Variants in ENTREP1 observed in about 807,000 individuals in gnomAD.
ENTREP1 encodes Friedreich ataxia region gene X123.
chr9:69,384,364 T>A, the ENTREP1 span, among the ~76,000 whole-genome samples: 2 of 152,168 alleles, frequency 1.3e-5, no homozygotes, highest in Non-Finnish European at 2.9e-5. Flanking sequence ...AAAAAAGATA[T>A]CCTTGGAATT....
the ENTREP1 span, among the ~76,000 whole-genome samples, chr9:69,372,411 T>A: frequency 6.6e-6 from 1 of 152,208 alleles, no homozygotes; most frequent in Non-Finnish European, 1.5e-5. Context: ...GTATCCTAGG[T>A]ACCTCATACA....
chr9:69,330,396 T>A, the ENTREP1 span, among the ~76,000 whole-genome samples: 1 of 152,230 alleles, frequency 6.6e-6, no homozygotes, highest in Non-Finnish European at 1.5e-5. Context: ...TATTATTCTT[T>A]ATCAGTTGTA....
chr9:69,388,353 C>A, the ENTREP1 span: 2 of 1,614,046 alleles, frequency 1.2e-6, no homozygotes, highest in Non-Finnish European at 1.7e-6. Flanking sequence ...ACCATGACCC[C>A]AGACATCCAT....
chr9:69,385,864 G>A, the ENTREP1 span: 184 of 1,608,238 alleles, frequency 1.1e-4, 1 homozygote, highest in South Asian at 7.1e-4. Flanking sequence ...ACCCTGGTGC[G>A]TCCTATCAGA....
the ENTREP1 span, chr9:69,382,913 C>A: frequency 2.1e-6 from 1 of 471,622 alleles, no homozygotes; most frequent in Non-Finnish European, 2.8e-6. Context: ...TAGCAGAATG[C>A]AGGTGTTCTG....
the ENTREP1 span, among the ~76,000 whole-genome samples, chr9:69,348,596 C>T: frequency 6.6e-6 from 1 of 152,180 alleles, no homozygotes; most frequent in Non-Finnish European, 1.5e-5. Context: ...GAAGTCACTC[C>T]TGATTTCCTC....
At chr9:69,367,696 T>TATATATAAATATATATATATACAC in the ENTREP1 span, among the ~76,000 whole-genome samples, 4 of 108,170 alleles carry the variant, frequency 3.7e-5, no homozygotes, top group Admixed American at 1.2e-4. Flanking sequence ...TATATACACA[T>TATATATAAATATATATATATACAC]ATATATAAAT....
At chr9:69,382,981 A>C in the ENTREP1 span, 1 of 977,536 alleles carries the variant, frequency 1.0e-6, no homozygotes, top group African/African-American at 1.8e-5. Flanking sequence ...TATCTAGATC[A>C]TCTGGTACCT....
At chr9:69,368,633 T>C in the ENTREP1 span, among the ~76,000 whole-genome samples, 6 of 152,084 alleles carry the variant, frequency 3.9e-5, no homozygotes, top group African/African-American at 1.4e-4. Context: ...CCTTGTTTGG[T>C]GTTGGTATTA....
the ENTREP1 span, among the ~76,000 whole-genome samples, chr9:69,339,743 C>A: frequency 1.3e-5 from 2 of 152,184 alleles, no homozygotes; most frequent in Non-Finnish European, 2.9e-5. Flanking sequence ...GGCTCAGGGG[C>A]ACCTTCTGAC....
chr9:69,348,469 C>T, the ENTREP1 span, among the ~76,000 whole-genome samples: 1 of 152,136 alleles, frequency 6.6e-6, no homozygotes, highest in African/African-American at 2.4e-5. Context: ...AAAAAATTCA[C>T]ACATTTAAAG....
the ENTREP1 span, among the ~76,000 whole-genome samples, chr9:69,338,537 A>G: frequency 3.3e-5 from 5 of 152,178 alleles, no homozygotes; most frequent in Admixed American, 1.3e-4. Flanking sequence ...TTAAAAAGCT[A>G]CCTCACATAT....
chr9:69,363,651 G>T, the ENTREP1 span, among the ~76,000 whole-genome samples: 2 of 152,126 alleles, frequency 1.3e-5, no homozygotes, highest in Admixed American at 6.5e-5. Flanking sequence ...TTCCTTTGAG[G>T]GACACAGCCA....
chr9:69,375,200 A>C, the ENTREP1 span, among the ~76,000 whole-genome samples: 2 of 152,222 alleles, frequency 1.3e-5, no homozygotes, highest in African/African-American at 4.8e-5. Flanking sequence ...CTGGTTTCCC[A>C]CTTAACTAAA....
chr9:69,372,327 T>C, the ENTREP1 span, among the ~76,000 whole-genome samples: 1 of 152,188 alleles, frequency 6.6e-6, no homozygotes, highest in Non-Finnish European at 1.5e-5. Context: ...AGTCTATGCA[T>C]ATTGAACAGC....
chr9:69,328,064 A>G, the ENTREP1 span, among the ~76,000 whole-genome samples: 2 of 152,160 alleles, frequency 1.3e-5, no homozygotes, highest in Non-Finnish European at 2.9e-5. Flanking sequence ...TGTTATGGAA[A>G]AGTTTACATT....
At chr9:69,391,679 C>G in the ENTREP1 span, 3 of 1,614,056 alleles carry the variant, frequency 1.9e-6, no homozygotes, top group African/African-American at 4.0e-5. Context: ...GCTGCACCTC[C>G]AGAGCTGCGG....
chr9:69,371,606 T>G, the ENTREP1 span: 1 of 1,603,380 alleles, frequency 6.2e-7, no homozygotes, highest in Non-Finnish European at 8.5e-7. Context: ...CCAGGTGTGA[T>G]CTGGTAAGCA....
At chr9:69,388,364 GAACTTGTAGA>G in the ENTREP1 span, 1 of 1,614,154 alleles carries the variant, frequency 6.2e-7, no homozygotes. Context: ...AGACATCCAT[GAACTTGTAGA>G]AAACATTAAA....
Sources: allele counts gnomAD v4.1 joint callset (sites outside exome capture counted in the v4.1 genomes callset), GRCh38; gene constraint gnomAD v4.1.1; transcripts MANE v1.5; gene names NCBI Gene and HGNC (gene_info 2026-07-23, HGNC 2026-07-21).